The following PIK3CG variants were observed in gnomAD, a reference collection of about 807,000 sequenced individuals.
The protein encoded by PIK3CG is phosphatidylinositol-4,5-bisphosphate 3-kinase catalytic subunit gamma.
PIK3CG carries 55 observed loss-of-function variants against 102.3 expected under a neutral mutation model. The observed-to-expected ratio is 0.54, with a 90% CI of 0.43 to 0.67. PIK3CG has a LOEUF of 0.67. Ranked by LOEUF, PIK3CG falls within the 30% of genes least tolerant of loss-of-function variation. The probability of loss-of-function intolerance (pLI) is 0.00; values close to 1 mark genes in which losing one functional copy is unlikely to be tolerated. For synonymous variants in PIK3CG, 552 were observed against 540.0 expected (o/e 1.02, Z -0.31); for missense variants, 1,258 against 1,391.8 (o/e 0.90, Z 1.53).
rs1339698935 is a variant in PIK3CG, at chr7:106,867,638, G to T, written c.77G>T (p.Arg26Leu). ...NCRRRRRMKP[R>L]SAAASLSSME... The stretch of plus-strand genomic sequence containing the variant: ...CGAAGGCGCCGGAGGATGAAGCCGC[G>T]CAGTGCTGCGGCCAGCCTGTCCTCC... The change falls in exon 2 of 11, where the codon CGC (arginine) becomes CTC (leucine). Residue 26 changes from arginine (R) to leucine (L), a missense_variant. This residue lies in a region of PIK3CG where 832 missense variants were observed against 787.5 expected (regional missense o/e 1.06). Coordinates refer to ENST00000496166, the MANE Select transcript of PIK3CG (RefSeq NM_001282426.2). The surrounding 1 kb of genome is among the most constrained non-coding windows in gnomAD (Gnocchi z 5.1). 1 of 1,613,036 alleles carries T rather than the reference G, an allele frequency of 6.2e-7. No homozygotes were observed. The highest frequency in any genetic ancestry group is 8.5e-7 in the Non-Finnish European group (1 of 1,179,810).
Position 106,874,895 on chromosome 7 carries a change from A to G in PIK3CG, c.2391+92A>G. On this transcript the variant is annotated intron_variant, in intron 5 of 10. Coordinates refer to ENST00000496166, the MANE Select transcript of PIK3CG (RefSeq NM_001282426.2). This position sits in a 1 kb window ranked among gnomAD's most constrained non-coding sequence, Gnocchi z 4.3. ...GCCCAGTACTTAAAAGCTAATGTTT[A>G]TGCAGAGACAGGGAAGCTGGAGAGT... 2 of 764,086 alleles carry G rather than the reference A, an allele frequency of 2.6e-6. No individual in the cohort carries two copies. The allele number at this position is 764,086 out of a possible 1,614,324, so 47.3% of individuals were successfully genotyped here.
In PIK3CG at chr7:106,868,836, A is replaced by G. The variant is rs2116451177; in HGVS notation, c.1275A>G (p.Lys425=). The G allele has an allele frequency of 6.2e-7, 1 of 1,614,220 alleles. No individual in the cohort carries two copies. Among genetic ancestry groups the G allele is most frequent in the Admixed American group, 1.7e-5 (1 of 60,034 alleles). ...EFSIKIKDLP[K]GALLNLQIYC... ...GTATCAAAATCAAAGACTTGCCCAA[A>G]GGGGCTCTACTGAACCTCCAGATCT... Residue 425 remains lysine, a synonymous_variant, in exon 2 of 11, where the codon AAA becomes AAG. Coordinates refer to ENST00000496166, the MANE Select transcript of PIK3CG (RefSeq NM_001282426.2). This position sits in a 1 kb window ranked among gnomAD's most constrained non-coding sequence, Gnocchi z 6.2.
At position 106,872,636 on chromosome 7, in the gene PIK3CG, T is replaced by G. The variant is rs1790574386; in HGVS notation, c.2061+34T>G. On this transcript the variant is annotated intron_variant, in intron 3 of 10. Coordinates refer to ENST00000496166, the MANE Select transcript of PIK3CG (RefSeq NM_001282426.2). The surrounding 1 kb of genome is among the most constrained non-coding windows in gnomAD (Gnocchi z 5.3). ...TTCCATTTTGATAATAGCGTGAAATTTTAAGTTGCCAAGAATTAACTGGTA... is the reference window on the plus strand; with the variant it reads ...TTCCATTTTGATAATAGCGTGAAATGTTAAGTTGCCAAGAATTAACTGGTA... 4 of 1,606,470 alleles carry G rather than the reference T, an allele frequency of 2.5e-6. No individual in the cohort carries two copies. The East Asian group carries it at 8.9e-5, about 36-fold the overall frequency.
rs2116618600 is a variant in PIK3CG at position 106,905,245 on chromosome 7, C to A, written c.3167C>A (p.Thr1056Lys). Residue 1056 changes from threonine to lysine, a missense_variant, in exon 11 of 11, where the codon ACA becomes AAA. By Grantham distance (78) the Thr-to-Lys change is moderately conservative. This residue lies in a region of PIK3CG where 426 missense variants were observed against 604.2 expected (regional missense o/e 0.71). Coordinates refer to ENST00000496166, the MANE Select transcript of PIK3CG (RefSeq NM_001282426.2). This position sits in a 1 kb window ranked among gnomAD's most constrained non-coding sequence, Gnocchi z 5.6. ...EDIEYIRDAL[T>K]VGKNEEDAKK... is the part of the protein sequence containing the mutation. Reference sequence around the variant, plus strand: ...ATTGAATATATCCGGGATGCCCTCACAGTGGGGAAAAATGAGGAGGATGCT... The same window carrying A: ...ATTGAATATATCCGGGATGCCCTCAAAGTGGGGAAAAATGAGGAGGATGCT... 6.2e-7 allele frequency: 1 copy of A among 1,614,104 alleles called. No homozygotes were observed. Among genetic ancestry groups the A allele is most frequent in the Non-Finnish European group, 8.5e-7 (1 of 1,180,014 alleles).
At position 106,899,687 on chromosome 7, in the gene PIK3CG, C is replaced by T. The variant is rs2116602616; in HGVS notation, c.3031-5422C>T. ...ATTTATTGATTTGCGTATGTTGAAC[C>T]AACCTTACATCCTGGGGATGAAACC... is the stretch of plus-strand genomic sequence containing the variant. On this transcript the variant is annotated intron_variant, in intron 10 of 10. Transcript: ENST00000496166. This position sits in a 1 kb window ranked among gnomAD's most constrained non-coding sequence, Gnocchi z 4.6. 6.6e-6 allele frequency among the ~76,000 whole-genome samples: 1 copy of T among 152,242 alleles called. No individual in the cohort carries two copies. Among genetic ancestry groups the T allele is most frequent in the Non-Finnish European group, 1.5e-5 (1 of 68,024 alleles).
chr7:106,868,846 C>T lies in PIK3CG; in HGVS notation c.1285C>T (p.Leu429=). 1.2e-6 allele frequency: 2 copies of T among 1,614,202 alleles called. No individual in the cohort carries two copies. The highest frequency in any genetic ancestry group is 1.7e-6 in the Non-Finnish European group (2 of 1,180,038). The part of the protein sequence containing the change: ...KIKDLPKGAL[L]NLQIYCGKAP... ...CAAAGACTTGCCCAAAGGGGCTCTA[C>T]TGAACCTCCAGATCTACTGCGGTAA... The change falls in exon 2 of 11, where the codon CTG becomes TTG. Residue 429 remains leucine (L), a synonymous_variant. Coordinates refer to ENST00000496166, the MANE Select transcript of PIK3CG (RefSeq NM_001282426.2). The surrounding 1 kb of genome is among the most constrained non-coding windows in gnomAD (Gnocchi z 6.2).
At position 106,908,872 on chromosome 7, in the gene PIK3CG, A is replaced by G. The variant is rs1791757422; in HGVS notation, c.*3485A>G. 6.6e-6 allele frequency among the ~76,000 whole-genome samples: 1 copy of G among 152,190 alleles called. No individual in the cohort carries two copies. The highest frequency in any genetic ancestry group is 2.4e-5 in the African/African-American group (1 of 41,438). ...GAAATAAATCATAATTAGACTTAACAATATGGAGAAAATAAACTTGTATTT... is the reference window on the plus strand; with the variant it reads ...GAAATAAATCATAATTAGACTTAACGATATGGAGAAAATAAACTTGTATTT... On this transcript the variant is annotated 3_prime_UTR_variant, in exon 11 of 11. Transcript: ENST00000496166. This position sits in a 1 kb window ranked among gnomAD's most constrained non-coding sequence, Gnocchi z 4.1.
At chr7:106,873,187 A>C (rs1790601047) in intron 4 of PIK3CG, among the ~76,000 whole-genome samples, 1 of 152,238 alleles carries the variant, frequency 6.6e-6, no homozygotes, top group Non-Finnish European at 1.5e-5. Flanking sequence ...CAGATGTAAG[A>C]TGTAGTTTTT....
At chr7:106,886,389 A>C (rs1376445194) in intron 10 of PIK3CG, 97 bp downstream of exon 10, 2 of 1,238,016 alleles carry the variant, frequency 1.6e-6, no homozygotes, top group Non-Finnish European at 2.3e-6. Context: ...CTTGGAGGCC[A>C]GTCCAGCCTC....
rs1381068249 is a variant in PIK3CG, at chr7:106,868,074, T to A, written c.513T>A (p.Asp171Glu). 6.2e-7 allele frequency: 1 copy of A among 1,612,766 alleles called. No homozygotes were observed. Among genetic ancestry groups the A allele is most frequent in the Non-Finnish European group, 8.5e-7 (1 of 1,179,250 alleles). ...DVTDVSNVHD[D>E]ELEFTRRGLV... ...CTGACGTCAGCAACGTGCACGACGA[T>A]GAGCTGGAGTTCACGCGCCGTGGCT... is the stretch of plus-strand genomic sequence containing the variant. Residue 171 changes from aspartate (D) to glutamate (E), a missense_variant, in exon 2 of 11, where the codon GAT becomes GAA. Physicochemically the swap from Asp to Glu is conservative, Grantham distance 45 (BLOSUM62 2). Around this residue, in one of 2 missense-constraint regions of PIK3CG, gnomAD observed 832 missense variants for 787.5 expected, o/e 1.06. Coordinates refer to ENST00000496166, the MANE Select transcript of PIK3CG (RefSeq NM_001282426.2). This position sits in a 1 kb window ranked among gnomAD's most constrained non-coding sequence, Gnocchi z 6.2.
In PIK3CG at chr7:106,868,123, G is replaced by A. The variant is rs946794098; in HGVS notation, c.562G>A (p.Val188Met). 5.8e-5 allele frequency: 93 copies of A among 1,612,354 alleles called. No individual in the cohort carries two copies. The highest frequency in any genetic ancestry group is 7.5e-5 in the Non-Finnish European group (89 of 1,179,464). Residue 188 changes from valine to methionine, a missense_variant, in exon 2 of 11, where the codon GTG becomes ATG. This residue lies in a region of PIK3CG where 832 missense variants were observed against 787.5 expected (regional missense o/e 1.06). Coordinates refer to ENST00000496166, the MANE Select transcript of PIK3CG (RefSeq NM_001282426.2). This position sits in a 1 kb window ranked among gnomAD's most constrained non-coding sequence, Gnocchi z 6.2. ...RGLVTPRMAE[V>M]ASRDPKLYAM... The stretch of plus-strand genomic sequence containing the variant: ...CTTGGTGACCCCGCGCATGGCGGAG[G>A]TGGCCAGCCGCGACCCCAAGCTCTA...
chr7:106,876,046 C>T (rs1436673951), intron 5 of PIK3CG, among the ~76,000 whole-genome samples: 1 of 150,582 alleles, frequency 6.6e-6, no homozygotes, highest in Non-Finnish European at 1.5e-5. Flanking sequence ...TCCCAAGTAG[C>T]TGGGACTACA....
At position 106,880,911 on chromosome 7, in the gene PIK3CG, A is replaced by G. The variant is rs1334557561; in HGVS notation, c.2539-1206A>G. 6.6e-6 allele frequency among the ~76,000 whole-genome samples: 1 copy of G among 152,078 alleles called. No homozygotes were observed. The highest frequency in any genetic ancestry group is 2.4e-5 in the African/African-American group (1 of 41,402). On this transcript the variant is annotated intron_variant, in intron 6 of 10. Coordinates refer to ENST00000496166, the MANE Select transcript of PIK3CG (RefSeq NM_001282426.2). The surrounding 1 kb of genome is among the most constrained non-coding windows in gnomAD (Gnocchi z 4.2). ...CGCTGGCCTCAAACTCCTTGGCTCA[A>G]TGAATCCTCCCACCTCAGCCTCCCA... is the stretch of plus-strand genomic sequence containing the variant.
chr7:106,900,517 GC>G (rs1327974459), intron 10 of PIK3CG, among the ~76,000 whole-genome samples: 2 of 152,028 alleles, frequency 1.3e-5, no homozygotes, highest in Non-Finnish European at 2.9e-5. Context: ...TATTCAACTT[GC>G]CACTTTGTCT....
rs1292438605 is a variant in PIK3CG at position 106,868,350 on chromosome 7, A to G, written c.789A>G (p.Glu263=). 6.2e-7 allele frequency: 1 copy of G among 1,614,194 alleles called. No homozygotes were observed. Among genetic ancestry groups the G allele is most frequent in the Middle Eastern group, 1.6e-4 (1 of 6,062 alleles). The part of the protein sequence containing the change: ...AKKKSLMDIP[E]SQSEQDFVLR... Reference sequence around the variant, plus strand: ...AGAAATCTCTGATGGATATTCCCGAAAGCCAAAGCGAACAGGATTTTGTGC... The same window carrying G: ...AGAAATCTCTGATGGATATTCCCGAGAGCCAAAGCGAACAGGATTTTGTGC... The change falls in exon 2 of 11, where the codon GAA becomes GAG. Residue 263 remains glutamate, a synonymous_variant. Coordinates refer to ENST00000496166, the MANE Select transcript of PIK3CG (RefSeq NM_001282426.2). The surrounding 1 kb of genome is among the most constrained non-coding windows in gnomAD (Gnocchi z 6.2).
chr7:106,890,214 C>A lies in PIK3CG; in HGVS notation c.3030+3922C>A, dbSNP rs2116578935. The stretch of plus-strand genomic sequence containing the variant: ...TTGTTTTGTTTGAGACGGAGTCTCT[C>A]TCTGTTGCCCAGGCTGGAATGCAGT... On this transcript the variant is annotated intron_variant, in intron 10 of 10. Transcript: ENST00000496166. This position sits in a 1 kb window ranked among gnomAD's most constrained non-coding sequence, Gnocchi z 4.2. Among the ~76,000 whole-genome samples the A allele has an allele frequency of 6.6e-6, 1 of 152,346 alleles. No individual in the cohort carries two copies. The highest frequency in any genetic ancestry group is 2.4e-5 in the African/African-American group (1 of 41,574).
Position 106,883,163 on chromosome 7 carries a change from G to A in PIK3CG, c.2760G>A (p.Lys920=), listed in dbSNP as rs769218886. Residue 920 remains lysine, a splice_region_variant and synonymous_variant, in exon 8 of 11, where the codon AAG becomes AAA. Coordinates refer to ENST00000496166, the MANE Select transcript of PIK3CG (RefSeq NM_001282426.2). The surrounding 1 kb of genome is among the most constrained non-coding windows in gnomAD (Gnocchi z 5.8). ...AAGAAAAATCCCCTACTGAAGAAAA[G>A]GTGAGCTCATGCTTTTTCCCAGTCT... is the stretch of plus-strand genomic sequence containing the variant. The part of the protein sequence containing the change: ...WLKEKSPTEE[K]FQAAVERFVY... 2 of 1,614,062 alleles carry A rather than the reference G, an allele frequency of 1.2e-6. No individual in the cohort carries two copies. The highest frequency in any genetic ancestry group is 1.7e-6 in the Non-Finnish European group (2 of 1,179,934).
Position 106,869,284 on chromosome 7 carries a change from C to T in PIK3CG, c.1723C>T (p.Leu575Phe), listed in dbSNP as rs2116462121. 1 of 1,614,212 alleles carries T rather than the reference C, an allele frequency of 6.2e-7. No homozygotes were observed. The highest frequency in any genetic ancestry group is 8.5e-7 in the Non-Finnish European group (1 of 1,180,050). Residue 575 changes from leucine (L) to phenylalanine (F), a missense_variant, in exon 2 of 11, where the codon CTC (leucine) becomes TTC (phenylalanine). Physicochemically the swap from Leu to Phe is conservative, Grantham distance 22 (BLOSUM62 0). This residue lies in a region of PIK3CG where 832 missense variants were observed against 787.5 expected (regional missense o/e 1.06). Coordinates refer to ENST00000496166, the MANE Select transcript of PIK3CG (RefSeq NM_001282426.2). The surrounding 1 kb of genome is among the most constrained non-coding windows in gnomAD (Gnocchi z 5.3). ...NPLTAEDKEL[L>F]WHFRYESLKH... ...TCTCACAGCAGAGGACAAAGAATTG[C>T]TCTGGCATTTTAGATACGAAAGCCT...
chr7:106,866,850 G>GA (rs1790302719), intron 1 of PIK3CG, among the ~76,000 whole-genome samples: 1 of 152,152 alleles, frequency 6.6e-6, no homozygotes, highest in Non-Finnish European at 1.5e-5. Flanking sequence ...TAATTAGAAA[G>GA]AAAAAATGAA....
Sources: allele counts gnomAD v4.1 joint callset (sites outside exome capture counted in the v4.1 genomes callset), GRCh38; gene constraint gnomAD v4.1.1; regional missense constraint gnomAD v4.1.1; non-coding constraint Gnocchi (gnomAD v3.1); transcripts MANE v1.5; gene names NCBI Gene and HGNC (gene_info 2026-07-23, HGNC 2026-07-21).